The following ERMAP variants were observed in gnomAD, a reference collection of about 807,000 sequenced individuals.
ERMAP encodes the protein erythroid membrane-associated protein.
A neutral mutation model predicts 49.5 loss-of-function variants in ERMAP; 34 were observed. That is an observed-to-expected ratio of 0.69 (90% confidence interval 0.52 to 0.91). The LOEUF (loss-of-function observed/expected upper bound fraction) is 0.91. Among genes scored for constraint, ERMAP ranks in the 40% least tolerant of loss-of-function variants. The probability of loss-of-function intolerance (pLI) is 0.00; values close to 1 mark genes in which losing one functional copy is unlikely to be tolerated. For missense variants in ERMAP, 541 were observed against 582.6 expected (o/e 0.93, Z 0.74); for synonymous variants, 214 against 232.2 (o/e 0.92, Z 0.71).
rs1557602804 is a variant in ERMAP, at chr1:42,819,400, T to C, written c.-122+2147T>C. ...GCCAGGAGGGAGTGAATGTTGAGGC[T>C]GAACACTGTCAAAGTCCCCTCTCTA... On this transcript the variant is annotated intron_variant, in intron 1 of 11. Coordinates refer to ENST00000372517, the MANE Select transcript of ERMAP (RefSeq NM_001017922.2). This position sits in a 1 kb window ranked among gnomAD's most constrained non-coding sequence, Gnocchi z 5.1. Among the ~76,000 whole-genome samples, 1 of 151,960 alleles carries C rather than the reference T, an allele frequency of 6.6e-6. No individual in the cohort carries two copies. The highest frequency in any genetic ancestry group is 1.5e-5 in the Non-Finnish European group (1 of 67,890).
intron 7 of ERMAP, among the ~76,000 whole-genome samples, chr1:42,838,657 A>G (rs1654970819): frequency 6.6e-6 from 1 of 152,160 alleles, no homozygotes; most frequent in African/African-American, 2.4e-5. Context: ...ATGAAACCAG[A>G]CAGATGAAAA....
At position 42,842,387 on chromosome 1, in the gene ERMAP, C is replaced by T. The variant is rs368499507; in HGVS notation, c.713-130C>T. On this transcript the variant is annotated intron_variant, in intron 11 of 11. Coordinates refer to ENST00000372517, the MANE Select transcript of ERMAP (RefSeq NM_001017922.2). ...TTGGTTCCAGTACACATGGTGGGGG[C>T]GGGAATCCATGAACTAAAATGGGCT... is the stretch of plus-strand genomic sequence containing the variant. 76 of 730,634 alleles carry T rather than the reference C, an allele frequency of 1.0e-4. 1 individual carries two copies. The highest frequency in any genetic ancestry group is 6.9e-4 in the African/African-American group (39 of 56,232). 45.3% of individuals were successfully genotyped at this position (730,634 alleles called of 1,614,324 possible).
intron 7 of ERMAP, 81 bp downstream of exon 7, chr1:42,837,271 A>G: frequency 6.9e-7 from 1 of 1,452,570 alleles, no homozygotes; most frequent in Non-Finnish European, 9.6e-7. Flanking sequence ...AGTCATTATT[A>G]TAAGTCTATT....
intron 2 of ERMAP, among the ~76,000 whole-genome samples, chr1:42,826,667 C>G (rs1351025962): frequency 6.6e-6 from 1 of 151,998 alleles, no homozygotes. Context: ...ACCATCCTGG[C>G]CAACATGGTG....
chr1:42,824,390 G>A (rs1456750382), intron 1 of ERMAP: 2 of 151,580 alleles, frequency 1.3e-5, no homozygotes, highest in Non-Finnish European at 2.9e-5. Context: ...ATTTATAAAA[G>A]CTAAAGCCCA....
intron 1 of ERMAP, among the ~76,000 whole-genome samples, chr1:42,820,959 C>T (rs1321340063): frequency 6.6e-6 from 1 of 152,182 alleles, no homozygotes; most frequent in Non-Finnish European, 1.5e-5. Context: ...AGGCCCTGGT[C>T]CCTCCCATCC....
chr1:42,840,102 G>A, intron 9 of ERMAP, 49 bp downstream of exon 9: 1 of 1,614,134 alleles, frequency 6.2e-7, no homozygotes, highest in Non-Finnish European at 8.5e-7. Context: ...ATCTCCTGTT[G>A]CCCTAATATT....
Position 42,843,695 on chromosome 1 carries a change from T to TTCCAACACGTGGAAC in ERMAP, c.*463_*464insTCCAACACGTGGAAC. On this transcript the variant is annotated 3_prime_UTR_variant, in exon 12 of 12. Coordinates refer to ENST00000372517, the MANE Select transcript of ERMAP (RefSeq NM_001017922.2). ...CTGGCCTCTGCCCCCCAAAGTCAGC[T>TTCCAACACGTGGAAC]CTCTAAAAGCAAGCATGTTTTAGAC... 6.0e-6 allele frequency: 1 copy of TTCCAACACGTGGAAC among 166,972 alleles called. No individual in the cohort carries two copies. The allele number at this position is 166,972 out of a possible 1,614,324, so 10.3% of individuals were successfully genotyped here.
At chr1:42,830,571 G>T in intron 3 of ERMAP, 38 bp downstream of exon 3, 1 of 1,592,860 alleles carries the variant, frequency 6.3e-7, no homozygotes. Flanking sequence ...CCTGGTACAT[G>T]TGATATTGGC....
At chr1:42,824,224 T>A (rs1654477114) in intron 1 of ERMAP, among the ~76,000 whole-genome samples, 1 of 151,572 alleles carries the variant, frequency 6.6e-6, no homozygotes, top group Non-Finnish European at 1.5e-5. Context: ...GGCGGGCGTC[T>A]GTAGTCCCAG....
At chr1:42,822,723 C>A (rs2124282729) in intron 1 of ERMAP, among the ~76,000 whole-genome samples, 1 of 152,296 alleles carries the variant, frequency 6.6e-6, no homozygotes, top group East Asian at 1.9e-4. Context: ...GTTCCTCCTA[C>A]CTAGCTGTAA....
chr1:42,817,287 G>A (rs1249087312), intron 1 of ERMAP, 34 bp downstream of exon 1: 3 of 1,216,274 alleles, frequency 2.5e-6, no homozygotes, highest in East Asian at 8.9e-5. Flanking sequence ...ACTGGACCCA[G>A]CGCTGCCTGC....
intron 4 of ERMAP, among the ~76,000 whole-genome samples, chr1:42,832,842 CCT>C (rs1266117313): frequency 6.6e-6 from 1 of 152,200 alleles, no homozygotes; most frequent in Non-Finnish European, 1.5e-5. Flanking sequence ...AACAGCTGCC[CCT>C]GTTCATCACA....
intron 2 of ERMAP, among the ~76,000 whole-genome samples, chr1:42,828,360 A>G (rs1413492717): frequency 6.6e-6 from 1 of 152,114 alleles, no homozygotes; most frequent in East Asian, 1.9e-4. Flanking sequence ...GGTAGGTACT[A>G]TTATTAACTT....
chr1:42,830,304 T>C (rs1654679359), intron 2 of ERMAP, 140 bp from the exon 3 acceptor site: 9 of 671,194 alleles, frequency 1.3e-5, no homozygotes, highest in South Asian at 7.1e-5. Flanking sequence ...AGGAGGTAAG[T>C]AGCAGAGCTG....
chr1:42,837,019 G>C, intron 6 of ERMAP, 139 bp from the exon 7 acceptor site: 1 of 785,784 alleles, frequency 1.3e-6, no homozygotes, highest in East Asian at 2.5e-5. Flanking sequence ...GTCCAGGTGA[G>C]AGTTGATTAG....
At chr1:42,831,191 C>A in intron 4 of ERMAP, 76 bp downstream of exon 4, 2 of 1,490,518 alleles carry the variant, frequency 1.3e-6, no homozygotes, top group Non-Finnish European at 1.8e-6. Flanking sequence ...TTTGTCTCTC[C>A]ATGTCTAGAC....
intron 11 of ERMAP, among the ~76,000 whole-genome samples, chr1:42,841,127 G>A (rs1655047173): frequency 1.3e-5 from 2 of 152,110 alleles, no homozygotes; most frequent in African/African-American, 4.8e-5. Context: ...CCTTCAGGCA[G>A]AGTACAACAA....
intron 2 of ERMAP, 26 bp downstream of exon 2, chr1:42,825,764 C>G: frequency 7.8e-7 from 1 of 1,289,142 alleles, no homozygotes; most frequent in Non-Finnish European, 1.0e-6. Flanking sequence ...TCTCTTCATG[C>G]TTTTTAGTCC....
Sources: gnomAD v4.1 joint callset for allele counts (sites outside exome capture counted in the v4.1 genomes callset) on GRCh38, gnomAD v4.1.1 for gene constraint, Gnocchi (gnomAD v3.1) non-coding constraint, MANE v1.5 for transcripts, NCBI Gene and HGNC (gene_info 2026-07-23, HGNC 2026-07-21) for gene names.